Variants in GRIN2A observed in about 807,000 individuals in gnomAD.
The protein encoded by GRIN2A is glutamate ionotropic receptor NMDA type subunit 2A.
GRIN2A carries 22 observed loss-of-function variants against 113.4 expected under a neutral mutation model. The ratio of observed to expected loss-of-function variants is 0.19; its 90% CI spans 0.14 to 0.28. The LOEUF (loss-of-function observed/expected upper bound fraction) is 0.28, where lower values mean the gene tolerates loss of function less well. Among genes scored for constraint, GRIN2A ranks in the 10% least tolerant of loss-of-function variants. GRIN2A has a pLI of 1.00. For missense variants in GRIN2A, 1,502 were observed against 1,887.0 expected (o/e 0.80, Z 3.78); for synonymous variants, 827 against 738.4 (o/e 1.12, Z -1.94).
intron 2 of GRIN2A, among the ~76,000 whole-genome samples, chr16:10,084,263 G>C (rs1176306133): frequency 6.6e-6 from 1 of 152,154 alleles, no homozygotes; most frequent in Non-Finnish European, 1.5e-5. Context: ...CCAGCCCCTT[G>C]AATACAAAAC....
At chr16:9,972,999 G>C (rs2045703857) in intron 2 of GRIN2A, among the ~76,000 whole-genome samples, 1 of 152,194 alleles carries the variant, frequency 6.6e-6, no homozygotes, top group Admixed American at 6.5e-5. Context: ...TGAAATCACA[G>C]GGCGTTAAAA....
chr16:9,968,207 T>C (rs1267689621), intron 2 of GRIN2A, among the ~76,000 whole-genome samples: 1 of 152,208 alleles, frequency 6.6e-6, no homozygotes, highest in Non-Finnish European at 1.5e-5. Flanking sequence ...AGGCTTTGTA[T>C]TGCTTCCTTC....
intron 2 of GRIN2A, among the ~76,000 whole-genome samples, chr16:10,177,949 A>G (rs2050183175): frequency 6.6e-6 from 1 of 152,214 alleles, no homozygotes; most frequent in Non-Finnish European, 1.5e-5. Context: ...CTTAGAAGTA[A>G]GAGCCAAAGC....
intron 8 of GRIN2A, 21 bp downstream of exon 8, chr16:9,834,084 T>A: frequency 6.2e-7 from 1 of 1,611,176 alleles, no homozygotes; most frequent in Non-Finnish European, 8.5e-7. Context: ...CATTGAATCA[T>A]GCTCATGAAG....
At chr16:10,002,964 CT>C (rs2046346293) in intron 2 of GRIN2A, among the ~76,000 whole-genome samples, 8 of 152,166 alleles carry the variant, frequency 5.3e-5, no homozygotes, top group Admixed American at 5.2e-4. Flanking sequence ...TTCATCAGTA[CT>C]TTGTAAAATG....
intron 10 of GRIN2A, among the ~76,000 whole-genome samples, chr16:9,810,648 G>A (rs1181767415): frequency 2.0e-5 from 3 of 152,164 alleles, no homozygotes; most frequent in African/African-American, 7.2e-5. Context: ...ACCAGAAACT[G>A]GAGGACGCAA....
chr16:9,840,888 C>T, intron 6 of GRIN2A, 48 bp downstream of exon 6: 1 of 1,604,896 alleles, frequency 6.2e-7, no homozygotes, highest in Non-Finnish European at 8.5e-7. Context: ...CTGAGGACTG[C>T]AGGCCCTTTG....
chr16:9,776,664 T>C (rs1284088699), intron 11 of GRIN2A, among the ~76,000 whole-genome samples: 1 of 152,082 alleles, frequency 6.6e-6, no homozygotes, highest in African/African-American at 2.4e-5. Flanking sequence ...CATCTATAGC[T>C]GAAAGACGTC....
intron 2 of GRIN2A, among the ~76,000 whole-genome samples, chr16:10,040,415 CCACA>C (rs984547841): frequency 6.6e-6 from 1 of 151,098 alleles, no homozygotes; most frequent in Non-Finnish European, 1.5e-5. Context: ...AAACACACCA[CCACA>C]CACACTCACA....
chr16:9,776,175 A>G (rs1901589211), intron 11 of GRIN2A, among the ~76,000 whole-genome samples: 2 of 152,106 alleles, frequency 1.3e-5, no homozygotes, highest in African/African-American at 2.4e-5. Context: ...GGCAATAGCT[A>G]TCTTTGGTGT....
intron 2 of GRIN2A, among the ~76,000 whole-genome samples, chr16:10,163,144 C>G (rs1252180424): frequency 2.0e-5 from 3 of 152,172 alleles, no homozygotes; most frequent in Non-Finnish European, 4.4e-5. Flanking sequence ...TTGGGAATCT[C>G]TTGCCCTAGA....
chr16:9,980,388 G>A (rs2045868147), intron 2 of GRIN2A, among the ~76,000 whole-genome samples: 2 of 152,168 alleles, frequency 1.3e-5, no homozygotes, highest in African/African-American at 4.8e-5. Context: ...CACTGTTGGT[G>A]GGACTGTAAA....
chr16:9,847,207 G>C (rs2042787819), intron 5 of GRIN2A, among the ~76,000 whole-genome samples: 1 of 152,126 alleles, frequency 6.6e-6, no homozygotes, highest in African/African-American at 2.4e-5. Context: ...AGAAGAATGT[G>C]TGGGGGGAAG....
chr16:10,017,293 T>C lies in GRIN2A; in HGVS notation c.415-78742A>G, dbSNP rs182856107. On this transcript the variant is annotated intron_variant, in intron 2 of 12. Transcript: ENST00000330684. ...TCATTACACGATTAATAGATAATCA[T>C]TACACGTTGTTAAGTGCTACAATGG... Among the ~76,000 whole-genome samples, 12 of 152,186 alleles carry C rather than the reference T, an allele frequency of 7.9e-5. No homozygotes were observed. The East Asian group carries it at 2.3e-3, about 29-fold the overall frequency.
chr16:9,913,970 A>T (rs1329791791), intron 3 of GRIN2A, among the ~76,000 whole-genome samples: 3 of 152,228 alleles, frequency 2.0e-5, no homozygotes, highest in Non-Finnish European at 4.4e-5. Context: ...TTCAAAAGAA[A>T]AAAAGAAAAG....
chr16:10,081,522 A>C (rs1163739875), intron 2 of GRIN2A, among the ~76,000 whole-genome samples: 1 of 152,210 alleles, frequency 6.6e-6, no homozygotes, highest in Non-Finnish European at 1.5e-5. Flanking sequence ...TTTCTGATTA[A>C]AAGTATGATT....
chr16:10,063,224 T>C (rs2352740), intron 2 of GRIN2A, among the ~76,000 whole-genome samples: 91,523 of 151,962 alleles, frequency 0.6, 28,925 homozygotes, highest in East Asian at 0.96. Flanking sequence ...TGATGATAAG[T>C]GTGAGGAGAG....
intron 2 of GRIN2A, among the ~76,000 whole-genome samples, chr16:9,992,890 A>G (rs1371137840): frequency 1.3e-5 from 2 of 152,218 alleles, no homozygotes; most frequent in African/African-American, 4.8e-5. Flanking sequence ...CGTTCCTGCC[A>G]TAATAATGAT....
At position 9,829,408 on chromosome 16, in the gene GRIN2A, G is replaced by A. The variant is rs76627672; in HGVS notation, c.2007+15C>T. On this transcript the variant is annotated intron_variant, in intron 9 of 12. Transcript: ENST00000330684. The stretch of plus-strand genomic sequence containing the variant: ...GACCAACCCTCAGATGGAGAGGAAA[G>A]CAAGGTGACCTTACCTTTTTGTCAC... The A allele has an allele frequency of 1.9e-4, 294 of 1,563,560 alleles. 2 individuals carry two copies. In the African/African-American group the frequency reaches 3.5e-3, roughly 18 times the overall value.
Sources: allele counts gnomAD v4.1 joint callset (sites outside exome capture counted in the v4.1 genomes callset), GRCh38; gene constraint gnomAD v4.1.1; transcripts MANE v1.5; gene names NCBI Gene and HGNC (gene_info 2026-07-23, HGNC 2026-07-21).